The following CACNB2 variants were observed in gnomAD, a reference collection of about 807,000 sequenced individuals.
CACNB2 encodes voltage-dependent L-type calcium channel subunit beta-2.
In CACNB2, 42 loss-of-function variants were observed where a neutral mutation model predicts 73.3. That is an observed-to-expected ratio of 0.57 (90% confidence interval 0.45 to 0.74). The LOEUF is 0.74. Ranked by LOEUF, CACNB2 falls within the 30% of genes least tolerant of loss-of-function variation. The pLI, the probability that CACNB2 is intolerant of heterozygous loss-of-function variation, is 0.00. For missense variants in CACNB2, 940 were observed against 853.0 expected (o/e 1.10, Z -1.27); for synonymous variants, 348 against 310.3 (o/e 1.12, Z -1.28).
chr10:18,340,795 C>T, intron 2 of CACNB2: 1 of 1,594,440 alleles, frequency 6.3e-7, no homozygotes. Flanking sequence ...CCCAAGCCAG[C>T]AAGAAAAAGG....
intron 2 of CACNB2, among the ~76,000 whole-genome samples, chr10:18,269,673 A>G (rs1323235078): frequency 6.6e-6 from 1 of 152,144 alleles, no homozygotes; most frequent in Non-Finnish European, 1.5e-5. Flanking sequence ...GTTTCCAGAC[A>G]TCTCTATTTG....
intron 7 of CACNB2, among the ~76,000 whole-genome samples, chr10:18,517,976 C>T (rs1192134620): frequency 1.3e-5 from 2 of 152,234 alleles, no homozygotes; most frequent in African/African-American, 4.8e-5. Context: ...CAAATGCAGC[C>T]GAAAAGCAAT....
At chr10:18,449,781 T>A (rs2046927353) in intron 3 of CACNB2, among the ~76,000 whole-genome samples, 1 of 152,198 alleles carries the variant, frequency 6.6e-6, no homozygotes, top group East Asian at 1.9e-4. Context: ...CCGGAGCATA[T>A]CCCAGGGGCT....
intron 3 of CACNB2, among the ~76,000 whole-genome samples, chr10:18,437,878 G>A (rs1017641715): frequency 4.6e-5 from 7 of 152,126 alleles, no homozygotes; most frequent in African/African-American, 1.7e-4. Context: ...TGTAATCGAG[G>A]CAAATTGACA....
chr10:18,525,815 A>G (rs2052413479), intron 9 of CACNB2, among the ~76,000 whole-genome samples: 2 of 150,854 alleles, frequency 1.3e-5, no homozygotes, highest in Non-Finnish European at 3.0e-5. Context: ...TTTTTGTTTT[A>G]CCCTTTGGAA....
chr10:18,288,002 G>A (rs74621237), intron 2 of CACNB2, among the ~76,000 whole-genome samples: 52 of 152,262 alleles, frequency 3.4e-4, no homozygotes, highest in African/African-American at 1.2e-3. Context: ...CTCCAATCAC[G>A]TGCTGTCTTC....
At chr10:18,461,907 A>G (rs1405323846) in intron 3 of CACNB2, among the ~76,000 whole-genome samples, 1 of 151,840 alleles carries the variant, frequency 6.6e-6, no homozygotes, top group Non-Finnish European at 1.5e-5. Context: ...GATAAGACAT[A>G]GCTGCCTTGG....
intron 3 of CACNB2, among the ~76,000 whole-genome samples, chr10:18,435,464 A>G (rs1001813615): frequency 2.6e-5 from 4 of 152,096 alleles, no homozygotes; most frequent in Non-Finnish European, 4.4e-5. Context: ...TAATAAGACC[A>G]TGAAATAACT....
At chr10:18,230,131 ATAG>A (rs2036168154) in intron 2 of CACNB2, among the ~76,000 whole-genome samples, 1 of 152,220 alleles carries the variant, frequency 6.6e-6, no homozygotes, top group Non-Finnish European at 1.5e-5. Flanking sequence ...CATATTTTAC[ATAG>A]TTGGTTCAAA....
chr10:18,168,604 T>G (rs1162792759), intron 2 of CACNB2, among the ~76,000 whole-genome samples: 1 of 152,188 alleles, frequency 6.6e-6, no homozygotes, highest in Non-Finnish European at 1.5e-5. Flanking sequence ...CTGCCACTTT[T>G]TTGTTCTCTG....
chr10:18,147,804 T>G (rs557890947), intron 1 of CACNB2, among the ~76,000 whole-genome samples: 1 of 152,188 alleles, frequency 6.6e-6, no homozygotes, highest in African/African-American at 2.4e-5. Flanking sequence ...CCTTCACTTT[T>G]TTCCCCCCTT....
intron 3 of CACNB2, among the ~76,000 whole-genome samples, chr10:18,402,343 T>C (rs1414977457): frequency 6.7e-6 from 1 of 150,272 alleles, no homozygotes; most frequent in Non-Finnish European, 1.5e-5. Context: ...CTGCACCTAA[T>C]ATCAACATGT....
At chr10:18,333,279 G>A (rs2040873960) in intron 2 of CACNB2, among the ~76,000 whole-genome samples, 1 of 152,142 alleles carries the variant, frequency 6.6e-6, no homozygotes, top group African/African-American at 2.4e-5. Context: ...ATCTGAAGCT[G>A]CTGAATTGCA....
chr10:18,292,571 G>T (rs187307824), intron 2 of CACNB2, among the ~76,000 whole-genome samples: 24 of 152,258 alleles, frequency 1.6e-4, no homozygotes, highest in Non-Finnish European at 2.8e-4. Flanking sequence ...CAGAAGAATC[G>T]CTTGAACCCA....
At chr10:18,209,100 T>C (rs1174795291) in intron 2 of CACNB2, among the ~76,000 whole-genome samples, 1 of 152,226 alleles carries the variant, frequency 6.6e-6, no homozygotes, top group Non-Finnish European at 1.5e-5. Context: ...TCCTCTTTTG[T>C]AGGTAATGGG....
Position 18,451,578 on chromosome 10 carries a change from A to G in CACNB2, c.334-46777A>G, listed in dbSNP as rs141389229. On this transcript the variant is annotated intron_variant, in intron 3 of 13. Coordinates refer to ENST00000324631, the MANE Select transcript of CACNB2 (RefSeq NM_201596.3). Reference sequence around the variant, plus strand: ...ATGTCTTTAGGGCTGTGTTTTTCCGATAAACACATTTTTCCCCTGCAGAGG... The same window carrying G: ...ATGTCTTTAGGGCTGTGTTTTTCCGGTAAACACATTTTTCCCCTGCAGAGG... Among the ~76,000 whole-genome samples the G allele has an allele frequency of 2.1e-3, 317 of 152,264 alleles. 1 individual carries two copies. The highest frequency in any genetic ancestry group is 7.5e-3 in the African/African-American group (310 of 41,542).
chr10:18,481,439 G>A (rs185905986), intron 3 of CACNB2, among the ~76,000 whole-genome samples: 4 of 150,516 alleles, frequency 2.7e-5, no homozygotes, highest in Non-Finnish European at 4.4e-5. Context: ...TAGAGATGGA[G>A]TTTTACCATG....
intron 2 of CACNB2, among the ~76,000 whole-genome samples, chr10:18,380,452 C>CTTTTTTTTTTTT (rs757792853): frequency 9.0e-6 from 1 of 111,018 alleles, no homozygotes; most frequent in Non-Finnish European, 1.8e-5. Context: ...ATGTGTTTTT[C>CTTTTTTTTTTTT]TTTTTTTTTT....
chr10:18,485,501 A>T (rs549630236), intron 3 of CACNB2, among the ~76,000 whole-genome samples: 128 of 114,554 alleles, frequency 1.1e-3, no homozygotes, highest in Non-Finnish European at 2.2e-3. Flanking sequence ...AAATAAGTGG[A>T]TAAAAAAAAC....
Sources: allele counts gnomAD v4.1 joint callset (sites outside exome capture counted in the v4.1 genomes callset), GRCh38; gene constraint gnomAD v4.1.1; transcripts MANE v1.5; gene names NCBI Gene and HGNC (gene_info 2026-07-23, HGNC 2026-07-21).